DMRT2: variants seen among roughly 807,000 people sequenced by gnomAD.
DMRT2 encodes the protein doublesex and mab-3 related transcription factor 2.
A neutral mutation model predicts 43.5 loss-of-function variants in DMRT2; 33 were observed. That is an observed-to-expected ratio of 0.76 (90% CI 0.58 to 1.01). DMRT2 has a LOEUF of 1.01. Ranked by LOEUF, DMRT2 falls within the 50% of genes least tolerant of loss-of-function variation. DMRT2 has a pLI of 0.00. For synonymous variants in DMRT2, 395 were observed against 309.2 expected, an observed-to-expected ratio of 1.28 and a Z score of -2.91; for missense variants, 1,064 against 748.0, an observed-to-expected ratio of 1.42 and a Z score of -4.93.
rs747967718 is a variant in DMRT2, at chr9:1,056,896, T to C, written c.1309T>C (p.Ser437Pro). The C allele has an allele frequency of 2.6e-5, 42 of 1,613,962 alleles. No homozygotes were observed. Among genetic ancestry groups the C allele is most frequent in the Non-Finnish European group, 3.6e-5 (42 of 1,180,020 alleles). ...SAFSPPRRNF[S>P]PIVDTDSLAA... Reference sequence around the variant, plus strand: ...GTTCTCCCCACCCCGACGGAATTTCTCTCCCATTGTTGACACGGACTCCCT... The same window carrying C: ...GTTCTCCCCACCCCGACGGAATTTCCCTCCCATTGTTGACACGGACTCCCT... The change falls in exon 4 of 4, where the codon TCT becomes CCT. Residue 437 changes from serine (S) to proline (P), a missense_variant. By Grantham distance (74) the Ser-to-Pro change is moderately conservative. Coordinates refer to ENST00000358146, the MANE Select transcript of DMRT2 (RefSeq NM_181872.6).
Position 1,051,815 on chromosome 9 carries a change from G to T in DMRT2, c.202G>T (p.Ala68Ser). Residue 68 changes from alanine (A) to serine (S), a missense_variant, in exon 2 of 4, where the codon GCA becomes TCA. Transcript: ENST00000358146. This position sits in a 1 kb window ranked among gnomAD's most constrained non-coding sequence, Gnocchi z 5.9. ...GGAAGAAGAGGGCGACGGCGAGGAG[G>T]CAGGCGCGTCCCCCGGGATGCCCGG... ...DAEEEGDGEEAGASPGMPGQP... is the reference protein window; with the variant it reads ...DAEEEGDGEESGASPGMPGQP... The T allele has an allele frequency of 1.4e-6, 2 of 1,473,662 alleles. No individual in the cohort carries two copies. The highest frequency in any genetic ancestry group is 1.8e-6 in the Non-Finnish European group (2 of 1,117,814). The allele number at this position is 1,473,662 out of a possible 1,614,324, so 91.3% of individuals were successfully genotyped here.
chr9:1,052,231 G>C, intron 2 of DMRT2, 93 bp downstream of exon 2: 1 of 1,062,612 alleles, frequency 9.4e-7, no homozygotes. Flanking sequence ...CCCGCGCCCA[G>C]GGCCTTGCGG....
rs144855636 is a variant in DMRT2 at position 1,055,631 on chromosome 9, A to G, written c.629-585A>G. On this transcript the variant is annotated intron_variant, in intron 3 of 3. Coordinates refer to ENST00000358146, the MANE Select transcript of DMRT2 (RefSeq NM_181872.6). Reference sequence around the variant, plus strand: ...TTTGACTAGTTAACAGCTCTTTTCAATTTTCTATGCTTCTCTATTTTCTTA... The same window carrying G: ...TTTGACTAGTTAACAGCTCTTTTCAGTTTTCTATGCTTCTCTATTTTCTTA... 4.4e-4 allele frequency: 566 copies of G among 1,276,030 alleles called. 5 individuals carry two copies. The African/African-American group carries it at 8.3e-3, about 19-fold the overall frequency. 79.0% of individuals were successfully genotyped at this position (1,276,030 alleles called of 1,614,324 possible).
rs902909310 is a variant in DMRT2 at position 1,051,191 on chromosome 9, A to G, written c.-44-379A>G. 3.3e-5 allele frequency among the ~76,000 whole-genome samples: 5 copies of G among 152,172 alleles called. No individual in the cohort carries two copies. The highest frequency in any genetic ancestry group is 2.0e-4 in the Admixed American group (3 of 15,270). On this transcript the variant is annotated intron_variant, in intron 1 of 3. Transcript: ENST00000358146. The surrounding 1 kb of genome is among the most constrained non-coding windows in gnomAD (Gnocchi z 5.9). ...GGATAGTTTTATATGCATCATGGCC[A>G]TACTAGTTGAGTATGGGGAAATCCG...
rs1465059508 is a variant in DMRT2 at position 1,051,075 on chromosome 9, G to A, written c.-45+300G>A. Among the ~76,000 whole-genome samples, 1 of 152,194 alleles carries A rather than the reference G, an allele frequency of 6.6e-6. No individual in the cohort carries two copies. The highest frequency in any genetic ancestry group is 1.5e-5 in the Non-Finnish European group (1 of 68,040). ...CCCAAGGAGGGGTCCTTGTGGTGGTGTAGGCTGATGAGAGGCATTTGGGAA... is the reference window on the plus strand; with the variant it reads ...CCCAAGGAGGGGTCCTTGTGGTGGTATAGGCTGATGAGAGGCATTTGGGAA... On this transcript the variant is annotated intron_variant, in intron 1 of 3. Transcript: ENST00000358146. The surrounding 1 kb of genome is among the most constrained non-coding windows in gnomAD (Gnocchi z 5.9).
At chr9:1,054,982 T>C (rs1821870203) in intron 3 of DMRT2, among the ~76,000 whole-genome samples, 1 of 152,224 alleles carries the variant, frequency 6.6e-6, no homozygotes, top group East Asian at 1.9e-4. Context: ...GTGTGTCCTA[T>C]CATGTGTTGT....
Position 1,056,355 on chromosome 9 carries a change from A to G in DMRT2, c.768A>G (p.Glu256=), listed in dbSNP as rs1405352937. ...ENIMLEREYK[E]REMLETSQAA... ...TTATGCTGGAGAGAGAATATAAAGA[A>G]AGGGAGATGTTGGAAACTTCTCAAG... Residue 256 remains glutamate, a synonymous_variant, in exon 4 of 4, where the codon GAA becomes GAG. Transcript: ENST00000358146. The G allele has an allele frequency of 6.2e-7, 1 of 1,614,206 alleles. No homozygotes were observed. The highest frequency in any genetic ancestry group is 8.5e-7 in the Non-Finnish European group (1 of 1,180,042).
In DMRT2 at chr9:1,057,330, T is replaced by G; in HGVS notation, c.*57T>G. 1.3e-6 allele frequency: 2 copies of G among 1,494,864 alleles called. No individual in the cohort carries two copies. Among genetic ancestry groups the G allele is most frequent in the South Asian group, 2.8e-5 (2 of 70,704 alleles). 92.6% of individuals were successfully genotyped at this position (1,494,864 alleles called of 1,614,324 possible). A position where few individuals can be genotyped will look rare whatever the true frequency, so the allele number is the denominator to read the frequency against. ...GCAGTCTTAGAGCATTATAGCCATT[T>G]GCTACTTTTTTTAAAAGTTAAGATG... On this transcript the variant is annotated 3_prime_UTR_variant, in exon 4 of 4. Coordinates refer to ENST00000358146, the MANE Select transcript of DMRT2 (RefSeq NM_181872.6).
At position 1,056,725 on chromosome 9, in the gene DMRT2, G is replaced by A; in HGVS notation, c.1138G>A (p.Gly380Arg). Residue 380 changes from glycine (G) to arginine (R), a missense_variant, in exon 4 of 4, where the codon GGA (glycine) becomes AGA (arginine). Physicochemically the swap from Gly to Arg is moderately radical, Grantham distance 125 (BLOSUM62 -2). Transcript: ENST00000358146. The part of the protein sequence containing the change: ...LKPGASWDLK[G>R]ARVQDGLSAE... ...GCCTGGGGCCAGCTGGGACTTGAAGGGAGCACGAGTCCAGGATGGACTCAG... is the reference window on the plus strand; with the variant it reads ...GCCTGGGGCCAGCTGGGACTTGAAGAGAGCACGAGTCCAGGATGGACTCAG... 3 of 1,614,108 alleles carry A rather than the reference G, an allele frequency of 1.9e-6. No individual in the cohort carries two copies. Among genetic ancestry groups the A allele is most frequent in the South Asian group, 2.2e-5 (2 of 91,074 alleles).
chr9:1,056,400 C>A lies in DMRT2; in HGVS notation c.813C>A (p.Pro271=), dbSNP rs1449583264. ...CTCAAGCTGCTGCTCTGTTTCTGCC[C>A]AACCGCATGGTGCCTGGACCTGACT... ...ETSQAAALFL[P]NRMVPGPDYN... Residue 271 remains proline, a synonymous_variant, in exon 4 of 4, where the codon CCC becomes CCA. Transcript: ENST00000358146. The A allele has an allele frequency of 6.2e-7, 1 of 1,614,034 alleles. No homozygotes were observed. The highest frequency in any genetic ancestry group is 8.5e-7 in the Non-Finnish European group (1 of 1,180,036).
intron 3 of DMRT2, 155 bp from the exon 4 acceptor site, chr9:1,056,061 T>A (rs1053460848): frequency 1.4e-6 from 2 of 1,445,126 alleles, no homozygotes; most frequent in Non-Finnish European, 1.8e-6. Flanking sequence ...CTTTCAAACC[T>A]AATCTGTACT....
At position 1,056,523 on chromosome 9, in the gene DMRT2, G is replaced by A. The variant is rs1822000699; in HGVS notation, c.936G>A (p.Gln312=). The change falls in exon 4 of 4, where the codon CAG becomes CAA. Residue 312 remains glutamine, a synonymous_variant. Coordinates refer to ENST00000358146, the MANE Select transcript of DMRT2 (RefSeq NM_181872.6). ...CCACCTGCCTTGATTTAACCATGCAGTATTCAGGGTCTGGGAATATGGAAC... is the reference window on the plus strand; with the variant it reads ...CCACCTGCCTTGATTTAACCATGCAATATTCAGGGTCTGGGAATATGGAAC... ...FLPTCLDLTM[Q]YSGSGNMELI... 1.9e-6 allele frequency: 3 copies of A among 1,614,184 alleles called. No individual in the cohort carries two copies. In the Admixed American group the frequency reaches 5.0e-5, roughly 27 times the overall value.
At chr9:1,052,806 T>G (rs1821695326) in intron 2 of DMRT2, among the ~76,000 whole-genome samples, 1 of 152,082 alleles carries the variant, frequency 6.6e-6, no homozygotes, top group Non-Finnish European at 1.5e-5. Flanking sequence ...TCTTGAACCT[T>G]CGATTTTGTA....
In DMRT2 at chr9:1,052,114, G is replaced by C; in HGVS notation, c.501G>C (p.Ala167=). 1 of 1,420,166 alleles carries C rather than the reference G, an allele frequency of 7.0e-7. No homozygotes were observed. The highest frequency in any genetic ancestry group is 1.4e-5 in the South Asian group (1 of 69,040). 88.0% of individuals were successfully genotyped at this position (1,420,166 alleles called of 1,614,324 possible). A position where few individuals can be genotyped will look rare whatever the true frequency, so the allele number is the denominator to read the frequency against. Residue 167 remains alanine, a synonymous_variant, in exon 2 of 4, where the codon GCG becomes GCC. Transcript: ENST00000358146. ...ERQRVMAAQV[A]LRRQQATEDK... is the part of the protein sequence containing the mutation. ...AGCGCGTCATGGCCGCCCAGGTGGC[G>C]CTCCGGAGGCAGCAGGCCACCGAGG...
chr9:1,055,966 C>T (rs1463329974), intron 3 of DMRT2: 1 of 1,395,948 alleles, frequency 7.2e-7, no homozygotes, highest in Non-Finnish European at 9.2e-7. Context: ...CAAACAAATC[C>T]ATAACAACCA....
chr9:1,052,226 G>C, intron 2 of DMRT2, 88 bp downstream of exon 2: 1 of 1,123,488 alleles, frequency 8.9e-7, no homozygotes, highest in South Asian at 2.5e-5. Context: ...CACCCCCCGC[G>C]CCCAGGGCCT....
At position 1,056,939 on chromosome 9, in the gene DMRT2, T is replaced by C; in HGVS notation, c.1352T>C (p.Val451Ala). The C allele has an allele frequency of 6.2e-7, 1 of 1,614,152 alleles. No individual in the cohort carries two copies. The change falls in exon 4 of 4, where the codon GTC (valine) becomes GCC (alanine). Residue 451 changes from valine to alanine, a missense_variant. Physicochemically the swap from Val to Ala is moderately conservative, Grantham distance 64. Transcript: ENST00000358146. The part of the protein sequence containing the change: ...DTDSLAAQGH[V>A]LTKISKENTR... ...GACTCCCTGGCAGCTCAAGGGCATG[T>C]CTTAACGAAGATCAGCAAAGAAAAC...
rs369760437 is a variant in DMRT2, at chr9:1,057,156, A to T, written c.1569A>T (p.Lys523Asn). 6.2e-7 allele frequency: 1 copy of T among 1,614,018 alleles called. No individual in the cohort carries two copies. The highest frequency in any genetic ancestry group is 1.3e-5 in the African/African-American group (1 of 74,898). The change falls in exon 4 of 4, where the codon AAA becomes AAT. Residue 523 changes from lysine (K) to asparagine (N), a missense_variant. Lys to Asn is a moderately conservative substitution (Grantham distance 94). Coordinates refer to ENST00000358146, the MANE Select transcript of DMRT2 (RefSeq NM_181872.6). ...CATTTACAATAGATAGATGTGCAAA[A>T]GACCTTTTTGTAGCCAAACAAGTTG... is the stretch of plus-strand genomic sequence containing the variant. ...KYTFTIDRCA[K>N]DLFVAKQVGT...
rs1286348379 is a variant in DMRT2, at chr9:1,051,047, A to G, written c.-45+272A>G. Reference sequence around the variant, plus strand: ...GGGAGGGGGGTGAGAGGACCTCTTCAAGCCCAAGGAGGGGTCCTTGTGGTG... The same window carrying G: ...GGGAGGGGGGTGAGAGGACCTCTTCGAGCCCAAGGAGGGGTCCTTGTGGTG... On this transcript the variant is annotated intron_variant, in intron 1 of 3. Transcript: ENST00000358146. The surrounding 1 kb of genome is among the most constrained non-coding windows in gnomAD (Gnocchi z 5.9). Among the ~76,000 whole-genome samples, 1 of 152,130 alleles carries G rather than the reference A, an allele frequency of 6.6e-6. No homozygotes were observed. The highest frequency in any genetic ancestry group is 1.5e-5 in the Non-Finnish European group (1 of 68,026).
Sources: gnomAD v4.1 joint callset for allele counts (sites outside exome capture counted in the v4.1 genomes callset) on GRCh38, gnomAD v4.1.1 for gene constraint, Gnocchi (gnomAD v3.1) non-coding constraint, MANE v1.5 for transcripts, NCBI Gene and HGNC (gene_info 2026-07-23, HGNC 2026-07-21) for gene names.